NT5M: variants seen among roughly 807,000 people sequenced by gnomAD.
NT5M encodes 5'(3')-deoxyribonucleotidase, mitochondrial.
NT5M carries 22 observed loss-of-function variants against 22.2 expected under a neutral mutation model. That is an observed-to-expected ratio of 0.99 (90% confidence interval 0.71 to 1.41). The LOEUF (loss-of-function observed/expected upper bound fraction) is 1.41, where lower values mean the gene tolerates loss of function less well. NT5M is among the 40% of genes most tolerant of loss of function. The pLI, the probability that NT5M is intolerant of heterozygous loss-of-function variation, is 0.00. For missense variants in NT5M, 322 were observed against 314.8 expected (o/e 1.02, Z -0.17); for synonymous variants, 167 against 133.0 (o/e 1.26, Z -1.76).
At chr17:17,334,439 C>G (rs1246091358) in intron 3 of NT5M, among the ~76,000 whole-genome samples, 1 of 150,946 alleles carries the variant, frequency 6.6e-6, no homozygotes, top group Non-Finnish European at 1.5e-5. Context: ...ATCTAAGTGT[C>G]CCACCTAATG....
At chr17:17,326,951 A>G (rs2049280054) in intron 3 of NT5M, among the ~76,000 whole-genome samples, 1 of 152,064 alleles carries the variant, frequency 6.6e-6, no homozygotes, top group African/African-American at 2.4e-5. Flanking sequence ...TCACTATGTC[A>G]CCCAGGCTGG....
intron 2 of NT5M, among the ~76,000 whole-genome samples, chr17:17,313,469 C>T (rs962259304): frequency 1.3e-5 from 2 of 152,154 alleles, no homozygotes; most frequent in Non-Finnish European, 1.5e-5. Flanking sequence ...AGTATCTAGA[C>T]AAAGCGAAGG....
intron 3 of NT5M, among the ~76,000 whole-genome samples, chr17:17,341,252 T>C (rs555770126): frequency 2.0e-5 from 3 of 152,326 alleles, no homozygotes; most frequent in East Asian, 3.9e-4. Flanking sequence ...TTTGGGGCTA[T>C]GAAAGTCTAG....
chr17:17,316,907 C>G (rs1002763872), intron 2 of NT5M, among the ~76,000 whole-genome samples: 1 of 149,286 alleles, frequency 6.7e-6, no homozygotes, highest in Non-Finnish European at 1.5e-5. Flanking sequence ...GTAGAGACAG[C>G]ATTTCACCCT....
chr17:17,303,822 G>A lies in NT5M; in HGVS notation c.267+5G>A. ...CGCCTGCGGCCAGGGCTGAGCGTGA[G>A]CGTCCCCGCCCCGCCCCGCGCCGGG... On this transcript the variant is annotated splice_donor_5th_base_variant and intron_variant, in intron 1 of 4. Coordinates refer to ENST00000389022, the MANE Select transcript of NT5M (RefSeq NM_020201.4). 1 of 1,434,678 alleles carries A rather than the reference G, an allele frequency of 7.0e-7. No homozygotes were observed. Among genetic ancestry groups the A allele is most frequent in the Non-Finnish European group, 9.3e-7 (1 of 1,080,930 alleles). The allele number at this position is 1,434,678 out of a possible 1,614,324, so 88.9% of individuals were successfully genotyped here.
intron 4 of NT5M, among the ~76,000 whole-genome samples, chr17:17,345,695 C>T (rs2049745193): frequency 6.6e-6 from 1 of 151,868 alleles, no homozygotes. Flanking sequence ...CCTGTGGTCC[C>T]TGCTACTCTG....
intron 3 of NT5M, among the ~76,000 whole-genome samples, chr17:17,325,224 C>T (rs868171700): frequency 2.6e-5 from 4 of 152,144 alleles, no homozygotes; most frequent in African/African-American, 7.2e-5. Flanking sequence ...GTGAGATGAA[C>T]GACATGGCCT....
intron 4 of NT5M, chr17:17,345,147 G>A: frequency 9.5e-7 from 1 of 1,052,184 alleles, no homozygotes; most frequent in South Asian, 2.3e-5. Flanking sequence ...GTGGCCTTGG[G>A]GAAGTCCCTT....
chr17:17,326,348 GT>G (rs1316643963), intron 3 of NT5M, among the ~76,000 whole-genome samples: 1 of 152,230 alleles, frequency 6.6e-6, no homozygotes, highest in African/African-American at 2.4e-5. Flanking sequence ...CCCACCGCCA[GT>G]GTGTTCCCCT....
chr17:17,325,689 C>T (rs754122712), intron 3 of NT5M, among the ~76,000 whole-genome samples: 7 of 152,134 alleles, frequency 4.6e-5, no homozygotes, highest in Non-Finnish European at 1.5e-5. Context: ...CCACATACAC[C>T]CTCCTGAGCA....
chr17:17,305,266 G>A (rs1464313301), intron 1 of NT5M, among the ~76,000 whole-genome samples: 1 of 152,050 alleles, frequency 6.6e-6, no homozygotes, highest in African/African-American at 2.4e-5. Flanking sequence ...AAGGCACGGG[G>A]CAGTAAGGAG....
chr17:17,321,798 T>G (rs758224498), intron 2 of NT5M, among the ~76,000 whole-genome samples: 11 of 151,728 alleles, frequency 7.2e-5, no homozygotes, highest in Non-Finnish European at 1.5e-4. Flanking sequence ...GGGCCCCAGC[T>G]GGATGAAGGC....
At chr17:17,343,999 C>A (rs1233713218) in intron 3 of NT5M, among the ~76,000 whole-genome samples, 3 of 152,128 alleles carry the variant, frequency 2.0e-5, no homozygotes, top group African/African-American at 7.2e-5. Flanking sequence ...GGACCTGCTA[C>A]CCTATAGGAA....
At chr17:17,325,313 C>T (rs1179036009) in intron 3 of NT5M, among the ~76,000 whole-genome samples, 1 of 152,104 alleles carries the variant, frequency 6.6e-6, no homozygotes, top group African/African-American at 2.4e-5. Context: ...CGGGACTGCC[C>T]TCTGAGCTCC....
At chr17:17,335,280 T>G (rs1015709866) in intron 3 of NT5M, among the ~76,000 whole-genome samples, 1 of 151,966 alleles carries the variant, frequency 6.6e-6, no homozygotes, top group Non-Finnish European at 1.5e-5. Flanking sequence ...TTTTTTGAGA[T>G]GGAGTCTTGC....
Position 17,344,894 on chromosome 17 carries a change from G to A in NT5M, c.530G>A (p.Arg177Gln), listed in dbSNP as rs1198213073. ...TCTGCTGACCTTCTCATAGACGACC[G>A]GCCGGACATCACAGGCAAGTGGCCT... ...VVSADLLIDD[R>Q]PDITGAEPTP... Residue 177 changes from arginine (R) to glutamine (Q), a missense_variant, in exon 4 of 5, where the codon CGG becomes CAG. Coordinates refer to ENST00000389022, the MANE Select transcript of NT5M (RefSeq NM_020201.4). The A allele has an allele frequency of 6.2e-6, 10 of 1,614,162 alleles. No individual in the cohort carries two copies. The Middle Eastern group carries it at 4.9e-4, about 80-fold the overall frequency.
At chr17:17,319,185 G>A (rs914250244) in intron 2 of NT5M, among the ~76,000 whole-genome samples, 16 of 149,368 alleles carry the variant, frequency 1.1e-4, no homozygotes, top group African/African-American at 3.9e-4. Context: ...CTGCACTCCA[G>A]CCTGGGCAAG....
chr17:17,303,844 C>T (rs1204992278), intron 1 of NT5M, 27 bp downstream of exon 1: 4 of 1,364,598 alleles, frequency 2.9e-6, no homozygotes, highest in Non-Finnish European at 3.8e-6. Flanking sequence ...CGCCCCGCGC[C>T]GGGCCTCCTT....
chr17:17,327,069 A>AG lies in NT5M; in HGVS notation c.429+3824_429+3825insG, dbSNP rs1488643859. On this transcript the variant is annotated intron_variant, in intron 3 of 4. Coordinates refer to ENST00000389022, the MANE Select transcript of NT5M (RefSeq NM_020201.4). ...TGGGATTACAGGTGTGCGCCACCAC[A>AG]CCCGGCTAATTTTTTTTTGTATTTT... is the stretch of plus-strand genomic sequence containing the variant. Among the ~76,000 whole-genome samples the AG allele has an allele frequency of 5.6e-3, 225 of 40,114 alleles. 6 individuals carry two copies. The highest frequency in any genetic ancestry group is 0.011 in the East Asian group (4 of 360). 26.3% of individuals were successfully genotyped at this position (40,114 alleles called of 152,430 possible). A position where few individuals can be genotyped will look rare whatever the true frequency, so the allele number is the denominator to read the frequency against.
Sources: gnomAD v4.1 joint callset for allele counts (sites outside exome capture counted in the v4.1 genomes callset) on GRCh38, gnomAD v4.1.1 for gene constraint, MANE v1.5 for transcripts, NCBI Gene and HGNC (gene_info 2026-07-23, HGNC 2026-07-21) for gene names.